The following RERG variants were observed in gnomAD, a reference collection of about 807,000 sequenced individuals.
The protein encoded by RERG is ras-related and estrogen-regulated growth inhibitor.
Under a neutral mutation model 23.2 loss-of-function variants are expected in RERG, and 25 were observed. That is an observed-to-expected ratio of 1.08 (90% CI 0.79 to 1.50). The LOEUF is 1.50. Among genes scored for constraint, RERG ranks in the 40% most tolerant of loss-of-function variants. The pLI, the probability that RERG is intolerant of heterozygous loss-of-function variation, is 0.00. For synonymous variants in RERG, 81 were observed against 89.1 expected (o/e 0.91, Z 0.51); for missense variants, 253 against 250.1 (o/e 1.01, Z -0.08).
chr12:15,122,144 C>T (rs1863843978), intron 2 of RERG, among the ~76,000 whole-genome samples: 1 of 152,064 alleles, frequency 6.6e-6, no homozygotes, highest in Admixed American at 6.5e-5. Context: ...TTAGCAGGCT[C>T]ATGAGCCCTC....
chr12:15,115,732 C>T (rs953229703), intron 3 of RERG, among the ~76,000 whole-genome samples: 13 of 152,046 alleles, frequency 8.6e-5, no homozygotes, highest in Non-Finnish European at 8.8e-5. Context: ...ATGTTTCTGA[C>T]TTTCATTTCA....
At chr12:15,163,559 A>C (rs1232664373) in intron 2 of RERG, among the ~76,000 whole-genome samples, 1 of 151,754 alleles carries the variant, frequency 6.6e-6, no homozygotes, top group Non-Finnish European at 1.5e-5. Context: ...AGTGTATCAT[A>C]GGGTCTAGCC....
At chr12:15,161,587 A>C (rs1864615975) in intron 2 of RERG, among the ~76,000 whole-genome samples, 1 of 152,182 alleles carries the variant, frequency 6.6e-6, no homozygotes, top group African/African-American at 2.4e-5. Flanking sequence ...TGCATTTTAG[A>C]AAACGATTTT....
intron 3 of RERG, among the ~76,000 whole-genome samples, chr12:15,117,691 A>G (rs1433725521): frequency 6.6e-6 from 1 of 151,908 alleles, no homozygotes; most frequent in East Asian, 1.9e-4. Context: ...ACACACACAC[A>G]CACACACACA....
Sources: allele counts gnomAD v4.1 joint callset (sites outside exome capture counted in the v4.1 genomes callset), GRCh38; gene constraint gnomAD v4.1.1; transcripts MANE v1.5; gene names NCBI Gene and HGNC (gene_info 2026-07-23, HGNC 2026-07-21).